SRP19: variants seen among roughly 807,000 people sequenced by gnomAD.
SRP19 encodes signal recognition particle 19.
Under a neutral mutation model 22.4 loss-of-function variants are expected in SRP19, and 11 were observed. The ratio of observed to expected loss-of-function variants is 0.49; its 90% CI spans 0.31 to 0.81. SRP19 has a LOEUF of 0.81. Ranked by LOEUF, SRP19 falls within the 40% of genes least tolerant of loss-of-function variation. SRP19 has a pLI of 0.05. For synonymous variants in SRP19, 61 were observed against 57.6 expected (o/e 1.06, Z -0.27); for missense variants, 168 against 175.9 (o/e 0.96, Z 0.25).
At chr5:112,893,508 ATTT>A, downstream of SRP19, 2 of 155,796 alleles carry the variant, frequency 1.3e-5, no homozygotes, top group South Asian at 1.9e-4. Flanking sequence ...CCATGTTATG[ATTT>A]TAAGCCAGGC....
intron 4 of SRP19, among the ~76,000 whole-genome samples, chr5:112,886,239 C>T (rs137880695): frequency 2.6e-5 from 4 of 152,326 alleles, no homozygotes; most frequent in East Asian, 3.9e-4. Context: ...CCTGTTTAAA[C>T]GTCATAGATA....
rs1236058393 is a variant in SRP19 at position 112,867,546 on chromosome 5, C to T, written c.*9C>T. The T allele has an allele frequency of 6.2e-7, 1 of 1,603,292 alleles. No homozygotes were observed. Among genetic ancestry groups the T allele is most frequent in the African/African-American group, 1.3e-5 (1 of 74,716 alleles). On this transcript the variant is annotated 3_prime_UTR_variant, in exon 5 of 5. Transcript: ENST00000505459. ...GAAAGAAAAAGAAGTAACCTAGTATCAGCATCAAGTATGTGGTACTACTGT... is the reference window on the plus strand; with the variant it reads ...GAAAGAAAAAGAAGTAACCTAGTATTAGCATCAAGTATGTGGTACTACTGT...
At chr5:112,873,391 G>T (rs1767803410), downstream of SRP19, among the ~76,000 whole-genome samples, 1 of 128,046 alleles carries the variant, frequency 7.8e-6, no homozygotes, top group African/African-American at 2.9e-5. Flanking sequence ...CCGTCACCCA[G>T]ACTGGAGTGC....
chr5:112,891,639 G>C, exon 5 of SRP19: 1 of 1,602,622 alleles, frequency 6.2e-7, no homozygotes, highest in Non-Finnish European at 8.5e-7. Context: ...GTGCTGGCAA[G>C]ATGGCTGCAC....
chr5:112,876,474 G>A (rs1455255015), intron 4 of SRP19: 1 of 152,182 alleles, frequency 6.6e-6, no homozygotes, highest in Non-Finnish European at 1.5e-5. Context: ...TGAAGGGTGT[G>A]CTCATTTTCT....
At chr5:112,867,263 T>G in intron 4 of SRP19, 141 bp from the exon 5 acceptor site, 1 of 931,936 alleles carries the variant, frequency 1.1e-6, no homozygotes, top group Admixed American at 3.0e-5. Flanking sequence ...GTGTCTTCAG[T>G]CATTTGATTT....
At chr5:112,883,932 G>T (rs145768923) in intron 4 of SRP19, among the ~76,000 whole-genome samples, 109 of 151,966 alleles carry the variant, frequency 7.2e-4, no homozygotes, top group Admixed American at 3.6e-3. Flanking sequence ...CAATCCATAA[G>T]CAAATCCCAT....
chr5:112,877,265 T>C (rs1767926112), intron 4 of SRP19: 1 of 152,216 alleles, frequency 6.6e-6, no homozygotes, highest in Non-Finnish European at 1.5e-5. Context: ...TGTTATGATC[T>C]TACCTGATTG....
At chr5:112,866,662 A>G (rs1332677010) in intron 4 of SRP19, among the ~76,000 whole-genome samples, 1 of 152,198 alleles carries the variant, frequency 6.6e-6, no homozygotes, top group Non-Finnish European at 1.5e-5. Context: ...ACTAAAACCC[A>G]TCAGGATTGG....
intron 4 of SRP19, chr5:112,877,949 G>C (rs1767946770): frequency 6.6e-6 from 1 of 151,398 alleles, no homozygotes; most frequent in Admixed American, 6.6e-5. Flanking sequence ...AGTATTACTA[G>C]TTTTTCAGGG....
rs1197112486 is a variant in SRP19, at chr5:112,867,986, T to TA, written c.*450dup. On this transcript the variant is annotated 3_prime_UTR_variant, in exon 5 of 5. Coordinates refer to ENST00000505459, the MANE Select transcript of SRP19 (RefSeq NM_003135.3). Reference sequence around the variant, plus strand: ...ATAAAATATGTAGTGAAAGTTTCCATAGTGTGAGGCTAAAACTAGAAGAAA... The same window carrying TA: ...ATAAAATATGTAGTGAAAGTTTCCATAAGTGTGAGGCTAAAACTAGAAGAAA... 2 of 986,704 alleles carry TA rather than the reference T, an allele frequency of 2.0e-6. No individual in the cohort carries two copies. The highest frequency in any genetic ancestry group is 3.5e-5 in the African/African-American group (2 of 57,248). The allele number at this position is 986,704 out of a possible 1,614,324, so 61.1% of individuals were successfully genotyped here.
intron 4 of SRP19, among the ~76,000 whole-genome samples, chr5:112,865,913 ACAAGGGTCT>A (rs1332989298): frequency 6.6e-6 from 1 of 152,076 alleles, no homozygotes; most frequent in Non-Finnish European, 1.5e-5. Flanking sequence ...AAATAGAGAG[ACAAGGGTCT>A]CACTGTGTTG....
At chr5:112,891,815 A>G in exon 5 of SRP19, 1 of 1,591,286 alleles carries the variant, frequency 6.3e-7, no homozygotes, top group East Asian at 2.2e-5. Flanking sequence ...ACTTTTATTG[A>G]AGAACAACAA....
chr5:112,892,247 C>T (rs1233091696), exon 5 of SRP19: 1 of 1,614,100 alleles, frequency 6.2e-7, no homozygotes, highest in Non-Finnish European at 8.5e-7. Context: ...ACATCTAGTC[C>T]TACCCTTCTT....
chr5:112,887,790 G>C (rs1319438636), intron 4 of SRP19, among the ~76,000 whole-genome samples: 1 of 151,964 alleles, frequency 6.6e-6, no homozygotes, highest in Admixed American at 6.6e-5. Flanking sequence ...TTGCCATTGA[G>C]ATTTTTTTTT....
chr5:112,896,372 A>C (rs1768680593), downstream of SRP19: 1 of 151,836 alleles, frequency 6.6e-6, no homozygotes, highest in Non-Finnish European at 1.5e-5. Context: ...AAAAATACAA[A>C]ATTTGCCTAG....
At chr5:112,886,373 G>A (rs554466731) in intron 4 of SRP19, among the ~76,000 whole-genome samples, 4 of 152,320 alleles carry the variant, frequency 2.6e-5, no homozygotes, top group Middle Eastern at 3.4e-3. Flanking sequence ...TATTTATTAT[G>A]TGAGGGTGAT....
chr5:112,879,039 A>T (rs1219766679), intron 4 of SRP19, among the ~76,000 whole-genome samples: 1 of 152,052 alleles, frequency 6.6e-6, no homozygotes, highest in Non-Finnish European at 1.5e-5. Flanking sequence ...CAAATCCTAA[A>T]TACTTGAGCA....
chr5:112,873,409 C>T (rs184507432), downstream of SRP19, among the ~76,000 whole-genome samples: 498 of 149,270 alleles, frequency 3.3e-3, 3 homozygotes, highest in African/African-American at 0.012. Context: ...TGCAGTGGCC[C>T]GATCTCGGCT....
Sources: gnomAD v4.1 joint callset for allele counts (sites outside exome capture counted in the v4.1 genomes callset) on GRCh38, gnomAD v4.1.1 for gene constraint, MANE v1.5 for transcripts, NCBI Gene and HGNC (gene_info 2026-07-23, HGNC 2026-07-21) for gene names.